The following TRAF3IP1 variants were observed in gnomAD, a reference collection of about 807,000 sequenced individuals.
The protein encoded by TRAF3IP1 is intraflagellar transport 54.
In TRAF3IP1, 53 loss-of-function variants were observed where a neutral mutation model predicts 89.9. The observed-to-expected ratio is 0.59, with a 90% CI of 0.47 to 0.74. TRAF3IP1 has a LOEUF of 0.74. Ranked by LOEUF, TRAF3IP1 falls within the 30% of genes least tolerant of loss-of-function variation. The pLI, the probability that TRAF3IP1 is intolerant of heterozygous loss-of-function variation, is 0.00. For missense variants in TRAF3IP1, 806 were observed against 866.1 expected (o/e 0.93, Z 0.87); for synonymous variants, 311 against 322.1 (o/e 0.97, Z 0.37).
intron 9 of TRAF3IP1, 95 bp from the exon 10 acceptor site, chr2:238,347,360 T>C (rs1698941347): frequency 7.6e-7 from 1 of 1,321,042 alleles, no homozygotes. Flanking sequence ...TCCAAAATTA[T>C]GTACAGTGTG....
chr2:238,352,811 A>G lies in TRAF3IP1; in HGVS notation c.1452-16A>G. The G allele has an allele frequency of 6.3e-6, 10 of 1,592,026 alleles. No individual in the cohort carries two copies. The highest frequency in any genetic ancestry group is 8.5e-6 in the Non-Finnish European group (10 of 1,172,286). ...AAATGTGTAATTCTAATTTAATCTA[A>G]TTTCTTTTTATTTAGGTCAGGGAGT... On this transcript the variant is annotated splice_polypyrimidine_tract_variant and intron_variant, in intron 12 of 16. Transcript: ENST00000373327.
rs1465910018 is a variant in TRAF3IP1 at position 238,348,848 on chromosome 2, GGTCTGT to G, written c.1367+3_1367+8del. ...CCTAATGAGCTTTCATCCAACATCA[GGTCTGT>G]GTGCTTTGAATCCCTTTCCCTCAGC... On this transcript the variant is annotated splice_donor_variant and splice_donor_5th_base_variant and intron_variant, in intron 11 of 16. Coordinates refer to ENST00000373327, the MANE Select transcript of TRAF3IP1 (RefSeq NM_015650.4). LOFTEE classifies it high-confidence loss of function. 7 of 1,613,788 alleles carry G rather than the reference GGTCTGT, an allele frequency of 4.3e-6. No individual in the cohort carries two copies. Among genetic ancestry groups the G allele is most frequent in the Admixed American group, 1.7e-5 (1 of 59,984 alleles).
At chr2:238,344,418 C>A in intron 8 of TRAF3IP1, 79 bp from the exon 9 acceptor site, 1 of 1,093,330 alleles carries the variant, frequency 9.1e-7, no homozygotes, top group African/African-American at 1.6e-5. Context: ...AGTAAGTGTG[C>A]TCTATGTTAA....
At chr2:238,333,321 G>A (rs1167113541) in intron 6 of TRAF3IP1, among the ~76,000 whole-genome samples, 1 of 152,214 alleles carries the variant, frequency 6.6e-6, no homozygotes, top group East Asian at 1.9e-4. Flanking sequence ...CTGGGGCTGG[G>A]TATGGTAGAA....
At chr2:238,374,681 T>C (rs1163978040) in intron 15 of TRAF3IP1, among the ~76,000 whole-genome samples, 8 of 152,216 alleles carry the variant, frequency 5.3e-5, no homozygotes, top group Non-Finnish European at 1.2e-4. Flanking sequence ...TTTCTGTTGA[T>C]TGGAATAGTT....
chr2:238,388,374 C>CAA (rs71043134), intron 15 of TRAF3IP1, among the ~76,000 whole-genome samples: 29,154 of 101,200 alleles, frequency 0.29, 4,074 homozygotes, highest in African/African-American at 0.35. Flanking sequence ...GACCCTGTCT[C>CAA]AAAAAAAAAA....
At chr2:238,340,273 T>A (rs1698578379) in intron 8 of TRAF3IP1, among the ~76,000 whole-genome samples, 1 of 152,206 alleles carries the variant, frequency 6.6e-6, no homozygotes, top group African/African-American at 2.4e-5. Context: ...TTGTTACAGT[T>A]CCTTAATTTC....
rs577144557 is a variant in TRAF3IP1 at position 238,378,544 on chromosome 2, A to G, written c.1690-18915A>G. On this transcript the variant is annotated intron_variant, in intron 15 of 16. Coordinates refer to ENST00000373327, the MANE Select transcript of TRAF3IP1 (RefSeq NM_015650.4). The stretch of plus-strand genomic sequence containing the variant: ...TCTATTATTTACCCAATATAAAACT[A>G]TATTTAATTTGCTGACATTTAAAAA... Among the ~76,000 whole-genome samples the G allele has an allele frequency of 7.2e-5, 11 of 152,358 alleles. No individual in the cohort carries two copies. The East Asian group carries it at 2.1e-3, about 29-fold the overall frequency.
At chr2:238,334,958 C>G (rs1386150606) in intron 7 of TRAF3IP1, among the ~76,000 whole-genome samples, 1 of 152,184 alleles carries the variant, frequency 6.6e-6, no homozygotes, top group South Asian at 2.1e-4. Flanking sequence ...AAAACAAAAA[C>G]GTTGATGACC....
chr2:238,387,191 C>T (rs556876837), intron 15 of TRAF3IP1, among the ~76,000 whole-genome samples: 11 of 152,314 alleles, frequency 7.2e-5, no homozygotes, highest in South Asian at 4.1e-4. Flanking sequence ...TGTTGGGCCC[C>T]GGTCTGGGCA....
chr2:238,394,040 A>G (rs1035631475), intron 15 of TRAF3IP1, among the ~76,000 whole-genome samples: 1 of 152,124 alleles, frequency 6.6e-6, no homozygotes, highest in Non-Finnish European at 1.5e-5. Flanking sequence ...GTCTACTAAA[A>G]CAAAAATTAG....
chr2:238,340,157 C>T (rs1698572672), intron 8 of TRAF3IP1, among the ~76,000 whole-genome samples: 1 of 152,156 alleles, frequency 6.6e-6, no homozygotes, highest in Admixed American at 6.5e-5. Flanking sequence ...CCCTGCTCCC[C>T]TAGGGTCCTG....
At chr2:238,324,144 T>A (rs1259798147) in intron 1 of TRAF3IP1, among the ~76,000 whole-genome samples, 2 of 152,178 alleles carry the variant, frequency 1.3e-5, no homozygotes, top group Non-Finnish European at 2.9e-5. Flanking sequence ...TCTGACTCAC[T>A]CCAACCTCCA....
intron 11 of TRAF3IP1, 42 bp downstream of exon 11, chr2:238,348,890 C>T (rs1699019851): frequency 6.7e-7 from 1 of 1,503,212 alleles, no homozygotes; most frequent in Non-Finnish European, 9.2e-7. Flanking sequence ...AGAGTGATCA[C>T]ACCTAGGACA....
chr2:238,376,430 G>C (rs1028808027), intron 15 of TRAF3IP1, among the ~76,000 whole-genome samples: 2 of 152,144 alleles, frequency 1.3e-5, no homozygotes, highest in African/African-American at 4.8e-5. Flanking sequence ...GTGTCTGGTA[G>C]CAAAGCCCCT....
intron 15 of TRAF3IP1, among the ~76,000 whole-genome samples, chr2:238,378,077 CT>C (rs1267373915): frequency 1.3e-5 from 2 of 151,752 alleles, no homozygotes; most frequent in Non-Finnish European, 1.5e-5. Context: ...AGGCATTTTT[CT>C]TTTTTTAAAT....
intron 15 of TRAF3IP1, among the ~76,000 whole-genome samples, chr2:238,396,097 C>T (rs948945581): frequency 3.3e-5 from 5 of 152,022 alleles, no homozygotes; most frequent in East Asian, 1.9e-4. Context: ...TATTGCGGCA[C>T]TATTCACAAT....
chr2:238,330,237 C>G (rs1426265139), intron 5 of TRAF3IP1, among the ~76,000 whole-genome samples: 1 of 152,148 alleles, frequency 6.6e-6, no homozygotes. Flanking sequence ...TTTTAGGCAT[C>G]AGCAGATAAG....
intron 15 of TRAF3IP1, among the ~76,000 whole-genome samples, chr2:238,387,925 A>C (rs539946744): frequency 5.3e-5 from 8 of 152,196 alleles, no homozygotes; most frequent in Admixed American, 6.5e-5. Context: ...CAAAAGTAAA[A>C]AATTAAAAAA....
Sources: allele counts gnomAD v4.1 joint callset (sites outside exome capture counted in the v4.1 genomes callset), GRCh38; gene constraint gnomAD v4.1.1; transcripts MANE v1.5; gene names NCBI Gene and HGNC (gene_info 2026-07-23, HGNC 2026-07-21).